The following CSMD1 variants were observed in gnomAD, a reference collection of about 807,000 sequenced individuals.
CSMD1 encodes the protein CUB and sushi domain-containing protein 1.
In CSMD1, 213 loss-of-function variants were observed where a neutral mutation model predicts 417.5. That is an observed-to-expected ratio of 0.51 (90% CI 0.46 to 0.57). CSMD1 has a LOEUF of 0.57. Ranked by LOEUF, CSMD1 falls within the 20% of genes least tolerant of loss-of-function variation. The probability of loss-of-function intolerance (pLI) is 0.00; values close to 1 mark genes in which losing one functional copy is unlikely to be tolerated. For synonymous variants in CSMD1, 2,862 were observed against 1,736.8 expected (o/e 1.65, Z -16.11); for missense variants, 6,923 against 4,529.7 (o/e 1.53, Z -15.17).
Position 3,117,380 on chromosome 8 carries a change from G to A in CSMD1, c.6430+1019C>T, listed in dbSNP as rs1027334134. Among the ~76,000 whole-genome samples, 3 of 152,274 alleles carry A rather than the reference G, an allele frequency of 2.0e-5. No homozygotes were observed. In the Middle Eastern group the frequency reaches 0.01, roughly 518 times the overall value. Reference sequence around the variant, plus strand: ...TAATAATACAGAATAGGTAAATACAGATAAAAACTGTGATTTTAAAAGCCT... The same window carrying A: ...TAATAATACAGAATAGGTAAATACAAATAAAAACTGTGATTTTAAAAGCCT... On this transcript the variant is annotated intron_variant, in intron 42 of 69. Transcript: ENST00000635120.
At chr8:3,963,873 A>G (rs1040743181) in intron 5 of CSMD1, among the ~76,000 whole-genome samples, 3 of 152,224 alleles carry the variant, frequency 2.0e-5, no homozygotes, top group Non-Finnish European at 1.5e-5. Context: ...GAAGGTATAG[A>G]TGTTAACTGA....
chr8:3,205,437 A>G lies in CSMD1; in HGVS notation c.4984+67T>C, dbSNP rs1381765199. ...CTAAGCTCTAGCATACTTGTTTATCAAATGACAGAAAAATTAACACTGAAA... is the reference window on the plus strand; with the variant it reads ...CTAAGCTCTAGCATACTTGTTTATCGAATGACAGAAAAATTAACACTGAAA... On this transcript the variant is annotated intron_variant, in intron 31 of 69. Transcript: ENST00000635120. The G allele has an allele frequency of 7.3e-6, 6 of 818,074 alleles. 1 individual carries two copies. The highest frequency in any genetic ancestry group is 3.4e-5 in the South Asian group (2 of 57,988). 50.7% of individuals were successfully genotyped at this position (818,074 alleles called of 1,614,324 possible).
At chr8:3,182,204 G>A (rs1228268761) in intron 36 of CSMD1, among the ~76,000 whole-genome samples, 1 of 152,138 alleles carries the variant, frequency 6.6e-6, no homozygotes, top group African/African-American at 2.4e-5. Context: ...AGATAAGATT[G>A]TCTATCATCC....
intron 4 of CSMD1, 144 bp from the exon 5 acceptor site, chr8:3,998,254 G>C (rs1815378488): frequency 4.5e-6 from 3 of 669,652 alleles, no homozygotes; most frequent in Non-Finnish European, 2.5e-6. Context: ...AGAATCTTTT[G>C]GTATGTTAAT....
chr8:3,838,428 G>A lies in CSMD1; in HGVS notation c.819-84386C>T, dbSNP rs570960564. 2.0e-5 allele frequency among the ~76,000 whole-genome samples: 3 copies of A among 149,796 alleles called. No individual in the cohort carries two copies. In the South Asian group the frequency reaches 6.3e-4, roughly 31 times the overall value. On this transcript the variant is annotated intron_variant, in intron 5 of 69. Coordinates refer to ENST00000635120, the MANE Select transcript of CSMD1 (RefSeq NM_033225.6). ...TATATAGAGAGAGACTATATATAGAGGGAGTGTAAGAGTATAGACTATACA... is the reference window on the plus strand; with the variant it reads ...TATATAGAGAGAGACTATATATAGAAGGAGTGTAAGAGTATAGACTATACA...
chr8:3,022,626 G>T (rs1299743744), intron 51 of CSMD1, among the ~76,000 whole-genome samples: 1 of 151,218 alleles, frequency 6.6e-6, no homozygotes, highest in East Asian at 1.9e-4. Context: ...TTACTTGTGA[G>T]TGTGACAAAT....
chr8:3,683,444 T>C (rs1230547321), intron 7 of CSMD1, among the ~76,000 whole-genome samples: 2 of 152,088 alleles, frequency 1.3e-5, no homozygotes, highest in African/African-American at 2.4e-5. Flanking sequence ...CTAAAGGGAA[T>C]TCAGAATTAG....
rs188016297 is a variant in CSMD1 at position 4,181,001 on chromosome 8, T to C, written c.416-148902A>G. On this transcript the variant is annotated intron_variant, in intron 3 of 69. Transcript: ENST00000635120. ...CTTACCATTTCCGTACCCACTATTA[T>C]GGAATAAAAGCAAAAAAGTCCAGCT... Among the ~76,000 whole-genome samples the C allele has an allele frequency of 2.2e-4, 34 of 152,208 alleles. No homozygotes were observed. In the South Asian group the frequency reaches 5.8e-3, roughly 26 times the overall value.
At chr8:4,581,512 G>A (rs1323002888) in intron 2 of CSMD1, among the ~76,000 whole-genome samples, 1 of 152,160 alleles carries the variant, frequency 6.6e-6, no homozygotes, top group Non-Finnish European at 1.5e-5. Flanking sequence ...GGTTTGAGAA[G>A]CATGCATTAT....
chr8:4,104,171 C>A (rs56712848), intron 3 of CSMD1, among the ~76,000 whole-genome samples: 22,613 of 152,254 alleles, frequency 0.15, 1,874 homozygotes, highest in South Asian at 0.36. Flanking sequence ...TTGATTTTCA[C>A]TGGAATTTAG....
At chr8:4,263,583 C>T (rs1049022285) in intron 3 of CSMD1, among the ~76,000 whole-genome samples, 10 of 152,116 alleles carry the variant, frequency 6.6e-5, no homozygotes, top group Non-Finnish European at 1.3e-4. Context: ...AATCATGAGT[C>T]AATTTTCACT....
chr8:3,507,987 G>T (rs927900087), intron 10 of CSMD1, among the ~76,000 whole-genome samples: 2 of 152,048 alleles, frequency 1.3e-5, no homozygotes, highest in African/African-American at 4.8e-5. Context: ...GGTTTCTTTT[G>T]CTGTGCAGAG....
chr8:4,631,664 C>A (rs1802523264), intron 2 of CSMD1, among the ~76,000 whole-genome samples: 1 of 152,066 alleles, frequency 6.6e-6, no homozygotes, highest in African/African-American at 2.4e-5. Context: ...TTAATGCATT[C>A]AAAAGCATTA....
At chr8:4,888,450 T>A (rs997352761) in intron 1 of CSMD1, among the ~76,000 whole-genome samples, 3 of 151,954 alleles carry the variant, frequency 2.0e-5, no homozygotes, top group African/African-American at 4.8e-5. Context: ...TACATATATA[T>A]TGTTTTGCAC....
chr8:4,956,019 T>G (rs561527658), intron 1 of CSMD1, among the ~76,000 whole-genome samples: 1 of 152,322 alleles, frequency 6.6e-6, no homozygotes, highest in Admixed American at 6.5e-5. Flanking sequence ...ACTCTCAGAC[T>G]GCTCCAGTCA....
intron 3 of CSMD1, among the ~76,000 whole-genome samples, chr8:4,406,484 T>C (rs756588451): frequency 3.3e-5 from 5 of 152,196 alleles, no homozygotes; most frequent in Admixed American, 1.3e-4. Context: ...GGGCATTAAT[T>C]AGATGGGAAC....
At chr8:4,675,051 A>G (rs1805588827) in intron 1 of CSMD1, among the ~76,000 whole-genome samples, 7 of 152,210 alleles carry the variant, frequency 4.6e-5, no homozygotes. Context: ...TTGGACGCAC[A>G]GGGCTCCAGA....
chr8:3,827,481 G>A (rs898169333), intron 5 of CSMD1, among the ~76,000 whole-genome samples: 2 of 152,116 alleles, frequency 1.3e-5, no homozygotes, highest in African/African-American at 2.4e-5. Flanking sequence ...CTTTCACGAC[G>A]TGGTTTTTAA....
chr8:3,145,083 G>A (rs923021725), intron 40 of CSMD1, among the ~76,000 whole-genome samples: 2 of 150,696 alleles, frequency 1.3e-5, no homozygotes, highest in African/African-American at 2.5e-5. Flanking sequence ...GTGTGTCTGT[G>A]TGCACGTGTG....
Sources: allele counts gnomAD v4.1 joint callset (sites outside exome capture counted in the v4.1 genomes callset), GRCh38; gene constraint gnomAD v4.1.1; transcripts MANE v1.5; gene names NCBI Gene and HGNC (gene_info 2026-07-23, HGNC 2026-07-21).